The following KATNB1 variants were observed in gnomAD, a reference collection of about 807,000 sequenced individuals.
KATNB1 encodes the protein katanin regulatory subunit B1, also known as katanin p80 WD40 repeat-containing subunit B1.
In KATNB1, 38 loss-of-function variants were observed where a neutral mutation model predicts 82.3. The ratio of observed to expected loss-of-function variants is 0.46; its 90% CI spans 0.36 to 0.61. The LOEUF (loss-of-function observed/expected upper bound fraction) is 0.61. Ranked by LOEUF, KATNB1 falls within the 20% of genes least tolerant of loss-of-function variation. The pLI, the probability that KATNB1 is intolerant of heterozygous loss-of-function variation, is 0.00. For missense variants in KATNB1, 749 were observed against 915.7 expected, an observed-to-expected ratio of 0.82 and a Z score of 2.35; for synonymous variants, 361 against 368.7, an observed-to-expected ratio of 0.98 and a Z score of 0.24.
intron 3 of KATNB1, among the ~76,000 whole-genome samples, chr16:57,742,088 A>G (rs1478500093): frequency 1.3e-5 from 2 of 152,352 alleles, no homozygotes; most frequent in Admixed American, 1.3e-4. Context: ...CTGTGGTACT[A>G]TTAAGAACTC....
intron 12 of KATNB1, 58 bp downstream of exon 12, chr16:57,753,577 G>A: frequency 6.3e-7 from 1 of 1,596,898 alleles, no homozygotes. Flanking sequence ...GGAGGCTGGG[G>A]GTCCTTCCAG....
At chr16:57,747,804 G>T (rs1301068231) in intron 4 of KATNB1, among the ~76,000 whole-genome samples, 1 of 152,222 alleles carries the variant, frequency 6.6e-6, no homozygotes, top group Admixed American at 6.5e-5. Context: ...AGCCGAGGGC[G>T]CCGTGCCCCC....
At chr16:57,739,129 C>G (rs1249049127) in intron 2 of KATNB1, among the ~76,000 whole-genome samples, 2 of 152,220 alleles carry the variant, frequency 1.3e-5, no homozygotes, top group African/African-American at 4.8e-5. Flanking sequence ...CTCAGGACCC[C>G]AGCCCTCCTG....
chr16:57,751,190 C>G lies in KATNB1; in HGVS notation c.391-71C>G, dbSNP rs374436982. The G allele has an allele frequency of 3.3e-5, 48 of 1,464,796 alleles. No homozygotes were observed. Among genetic ancestry groups the G allele is most frequent in the East Asian group, 2.9e-4 (13 of 44,168 alleles). 90.7% of individuals were successfully genotyped at this position (1,464,796 alleles called of 1,614,324 possible). A position where few individuals can be genotyped will look rare whatever the true frequency, so the allele number is the denominator to read the frequency against. On this transcript the variant is annotated intron_variant, in intron 5 of 19. Coordinates refer to ENST00000379661, the MANE Select transcript of KATNB1 (RefSeq NM_005886.3). The surrounding 1 kb of genome is among the most constrained non-coding windows in gnomAD (Gnocchi z 6.3). ...GCTGGGCCCCACCGTCTGCTCACGA[C>G]TGCACACCTTCCTCCAGTCGTGGCT...
intron 15 of KATNB1, 51 bp from the exon 16 acceptor site, chr16:57,755,294 C>T (rs564553432): frequency 4.2e-5 from 67 of 1,610,786 alleles, no homozygotes; most frequent in South Asian, 7.7e-5. Flanking sequence ...GAGGGCAGAG[C>T]TTTGCTGCTG....
chr16:57,754,284 G>A (rs1242340718), intron 13 of KATNB1, among the ~76,000 whole-genome samples: 2 of 152,232 alleles, frequency 1.3e-5, no homozygotes, highest in East Asian at 3.9e-4. Context: ...ATGGAGAGGA[G>A]TCACTGGGGG....
chr16:57,751,398 G>A lies in KATNB1; in HGVS notation c.432+96G>A. 1 of 1,248,996 alleles carries A rather than the reference G, an allele frequency of 8.0e-7. No homozygotes were observed. Among genetic ancestry groups the A allele is most frequent in the Non-Finnish European group, 1.2e-6 (1 of 850,220 alleles). The allele number at this position is 1,248,996 out of a possible 1,614,324, so 77.4% of individuals were successfully genotyped here. A position where few individuals can be genotyped will look rare whatever the true frequency, so the allele number is the denominator to read the frequency against. On this transcript the variant is annotated intron_variant, in intron 6 of 19. Transcript: ENST00000379661. The surrounding 1 kb of genome is among the most constrained non-coding windows in gnomAD (Gnocchi z 6.3). ...CCAGCAGGGGGTGGAGGGGACGGCTGTCCCACATGGGTGATAACATAAAAC... is the reference window on the plus strand; with the variant it reads ...CCAGCAGGGGGTGGAGGGGACGGCTATCCCACATGGGTGATAACATAAAAC...
rs1555582992 is a variant in KATNB1, at chr16:57,751,235, C to A, written c.391-26C>A. 1 of 1,612,214 alleles carries A rather than the reference C, an allele frequency of 6.2e-7. No homozygotes were observed. The highest frequency in any genetic ancestry group is 2.2e-5 in the East Asian group (1 of 44,868). ...GTGGCTCTGACCTCTCCTGACTCTG[C>A]CCCTCTGCTTCTCTCTCCCCCACAG... On this transcript the variant is annotated intron_variant, in intron 5 of 19. Coordinates refer to ENST00000379661, the MANE Select transcript of KATNB1 (RefSeq NM_005886.3). This position sits in a 1 kb window ranked among gnomAD's most constrained non-coding sequence, Gnocchi z 6.3.
At chr16:57,749,753 C>A (rs2049211107) in intron 4 of KATNB1, among the ~76,000 whole-genome samples, 1 of 152,154 alleles carries the variant, frequency 6.6e-6, no homozygotes, top group Non-Finnish European at 1.5e-5. Context: ...CATGGAGATG[C>A]CTGCAAAACC....
intron 13 of KATNB1, 35 bp from the exon 14 acceptor site, chr16:57,754,895 G>A (rs1193851193): frequency 3.7e-6 from 6 of 1,612,356 alleles, no homozygotes; most frequent in Non-Finnish European, 5.1e-6. Flanking sequence ...AGGCCCTTCT[G>A]GCCGGACCCA....
intron 8 of KATNB1, 155 bp from the exon 9 acceptor site, chr16:57,752,375 C>G: frequency 1.4e-6 from 1 of 729,854 alleles, no homozygotes. Flanking sequence ...GGCCGAGCCT[C>G]CCCCTTGCAA....
chr16:57,753,795 A>T (rs2049251120), intron 12 of KATNB1, 150 bp from the exon 13 acceptor site: 2 of 777,186 alleles, frequency 2.6e-6, no homozygotes, highest in Admixed American at 5.4e-5. Flanking sequence ...GAGGGGCAGG[A>T]CTGAGGGTTC....
In KATNB1 at chr16:57,751,730, TC is replaced by T. The variant is rs2049229592; in HGVS notation, c.516+9del. The T allele has an allele frequency of 1.9e-6, 3 of 1,608,164 alleles. No homozygotes were observed. In the African/African-American group the frequency reaches 4.0e-5, roughly 21 times the overall value. The stretch of plus-strand genomic sequence containing the variant: ...CAGATGACCACACCGTGAAGGTAGC[TC>T]CCGGCCTGACCTGGGCCCAGGGGCT... On this transcript the variant is annotated splice_region_variant and intron_variant, in intron 7 of 19. Transcript: ENST00000379661. The surrounding 1 kb of genome is among the most constrained non-coding windows in gnomAD (Gnocchi z 6.3).
chr16:57,745,551 G>A (rs1310230789), intron 4 of KATNB1, among the ~76,000 whole-genome samples: 3 of 126,868 alleles, frequency 2.4e-5, no homozygotes, highest in African/African-American at 5.9e-5. Flanking sequence ...CAACAAGAGC[G>A]AAACTCCATC....
At chr16:57,740,895 C>G (rs1782647387) in intron 2 of KATNB1, among the ~76,000 whole-genome samples, 1 of 152,216 alleles carries the variant, frequency 6.6e-6, no homozygotes, top group African/African-American at 2.4e-5. Flanking sequence ...TGGTGACTAG[C>G]CCCGAGCCTG....
Position 57,755,366 on chromosome 16 carries a change from G to A in KATNB1, c.1438G>A (p.Ala480Thr). ...GCAGGCCGTGAAGATCCCCCAGCAG[G>A]CCGAGCTGGTGGACGAGGATGCCAT... is the stretch of plus-strand genomic sequence containing the variant. Reference protein sequence around the residue: ...FLPAVKIPQQAELVDEDAMSQ... With the variant: ...FLPAVKIPQQTELVDEDAMSQ... Residue 480 changes from alanine (A) to threonine (T), a missense_variant, in exon 16 of 20, where the codon GCC becomes ACC. This residue lies in a region of KATNB1 where 407 missense variants were observed against 434.7 expected (regional missense o/e 0.94). Transcript: ENST00000379661. 1 of 1,613,292 alleles carries A rather than the reference G, an allele frequency of 6.2e-7. No homozygotes were observed. Among genetic ancestry groups the A allele is most frequent in the Non-Finnish European group, 8.5e-7 (1 of 1,180,030 alleles).
chr16:57,741,009 T>G (rs1415505761), intron 2 of KATNB1, among the ~76,000 whole-genome samples: 1 of 152,126 alleles, frequency 6.6e-6, no homozygotes, highest in Non-Finnish European at 1.5e-5. Flanking sequence ...ATCCCCACTT[T>G]CCAGACGAGG....
At chr16:57,745,126 G>A (rs1349905228) in intron 4 of KATNB1, among the ~76,000 whole-genome samples, 1 of 152,214 alleles carries the variant, frequency 6.6e-6, no homozygotes, top group Middle Eastern at 3.2e-3. Context: ...TTCTCCATGA[G>A]CCTAAACTTT....
At position 57,751,365 on chromosome 16, in the gene KATNB1, C is replaced by A; in HGVS notation, c.432+63C>A. ...TGCGGGCATTGAGTGTGGTGTGGTG[C>A]CCAGACCCCAGCAGGGGGTGGAGGG... On this transcript the variant is annotated intron_variant, in intron 6 of 19. Transcript: ENST00000379661. The surrounding 1 kb of genome is among the most constrained non-coding windows in gnomAD (Gnocchi z 6.3). 6.8e-7 allele frequency: 1 copy of A among 1,470,504 alleles called. No individual in the cohort carries two copies. Among genetic ancestry groups the A allele is most frequent in the South Asian group, 1.1e-5 (1 of 88,100 alleles). 91.1% of individuals were successfully genotyped at this position (1,470,504 alleles called of 1,614,324 possible).
Sources: allele counts gnomAD v4.1 joint callset (sites outside exome capture counted in the v4.1 genomes callset), GRCh38; gene constraint gnomAD v4.1.1; regional missense constraint gnomAD v4.1.1; non-coding constraint Gnocchi (gnomAD v3.1); transcripts MANE v1.5; gene names NCBI Gene and HGNC (gene_info 2026-07-23, HGNC 2026-07-21).